Variants in ENOX1 observed in about 807,000 individuals in gnomAD.
ENOX1 encodes the protein candidate growth-related and time keeping constitutive hydroquinone (NADH) oxidase.
In ENOX1, 42 loss-of-function variants were observed where a neutral mutation model predicts 82.5. The ratio of observed to expected loss-of-function variants is 0.51; its 90% CI spans 0.40 to 0.66. The LOEUF is 0.66. Among genes scored for constraint, ENOX1 ranks in the 30% least tolerant of loss-of-function variants. The pLI, the probability that ENOX1 is intolerant of heterozygous loss-of-function variation, is 0.00. For synonymous variants in ENOX1, 271 were observed against 282.2 expected (o/e 0.96, Z 0.40); for missense variants, 608 against 811.6 (o/e 0.75, Z 3.05).
At chr13:43,398,801 T>C (rs2053311972) in intron 5 of ENOX1, among the ~76,000 whole-genome samples, 1 of 128,586 alleles carries the variant, frequency 7.8e-6, no homozygotes. Context: ...TCATTTCTTC[T>C]TCTTTTTTTT....
chr13:43,598,072 C>G (rs2081545943), intron 2 of ENOX1, among the ~76,000 whole-genome samples: 2 of 152,138 alleles, frequency 1.3e-5, no homozygotes, highest in South Asian at 4.2e-4. Flanking sequence ...AAATTGTTCA[C>G]TGGCTGCCTC....
intron 14 of ENOX1, among the ~76,000 whole-genome samples, chr13:43,237,931 T>C (rs575645567): frequency 1.3e-5 from 2 of 152,312 alleles, no homozygotes; most frequent in South Asian, 4.1e-4. Context: ...TACTGAGAAA[T>C]TGCAGTTGGT....
intron 2 of ENOX1, among the ~76,000 whole-genome samples, chr13:43,557,997 C>A (rs1001036194): frequency 7.2e-5 from 11 of 152,134 alleles, no homozygotes; most frequent in African/African-American, 2.2e-4. Flanking sequence ...CAAATCTAGG[C>A]CCAGTGTCCC....
intron 2 of ENOX1, among the ~76,000 whole-genome samples, chr13:43,556,120 CA>C (rs2079425068): frequency 6.6e-6 from 1 of 152,164 alleles, no homozygotes; most frequent in Non-Finnish European, 1.5e-5. Flanking sequence ...CTCACTGTAA[CA>C]TGGGACGTAA....
At chr13:43,481,104 T>A (rs751111682) in intron 3 of ENOX1, among the ~76,000 whole-genome samples, 11 of 152,050 alleles carry the variant, frequency 7.2e-5, no homozygotes, top group Non-Finnish European at 1.0e-4. Context: ...TACTAGCAAC[T>A]TTTTGCTAGC....
At chr13:43,518,181 T>C (rs1217348541) in intron 2 of ENOX1, among the ~76,000 whole-genome samples, 1 of 152,124 alleles carries the variant, frequency 6.6e-6, no homozygotes. Context: ...CATATTAACA[T>C]GTTGTTCTCT....
intron 5 of ENOX1, among the ~76,000 whole-genome samples, chr13:43,406,492 CTTTT>C (rs58818536): frequency 1.8e-5 from 2 of 114,030 alleles, no homozygotes; most frequent in African/African-American, 2.9e-5. Context: ...AGTATGTTGT[CTTTT>C]TTTTTTTTTT....
At chr13:43,639,314 T>C (rs2153763548) in intron 2 of ENOX1, among the ~76,000 whole-genome samples, 1 of 151,992 alleles carries the variant, frequency 6.6e-6, no homozygotes. Context: ...AAATAAAAAA[T>C]AAAAACTGTG....
chr13:43,528,601 T>C (rs1327638673), intron 2 of ENOX1, among the ~76,000 whole-genome samples: 4 of 152,096 alleles, frequency 2.6e-5, no homozygotes, highest in African/African-American at 9.7e-5. Context: ...GTATCTCTTA[T>C]CTTGCCTTTG....
chr13:43,224,060 TC>T lies in ENOX1; in HGVS notation c.1792del (p.Asp598ThrfsTer9), dbSNP rs1195943948. On this transcript the variant is annotated frameshift_variant, in exon 16 of 17. Coordinates refer to ENST00000690772, the MANE Select transcript of ENOX1 (RefSeq NM_001347969.2). LOFTEE classifies it high-confidence loss of function. ...TCGAGCAAAATAATTTACCTTGGAG[TC>T]CAGCTGCTGCATGTATGACCAAAGA... ...EYLWSYMQQL[D>X]SKISANEIEM... The T allele has an allele frequency of 6.2e-7, 1 of 1,613,402 alleles. No homozygotes were observed. Among genetic ancestry groups the T allele is most frequent in the African/African-American group, 1.3e-5 (1 of 74,918 alleles).
intron 2 of ENOX1, among the ~76,000 whole-genome samples, chr13:43,652,590 G>T (rs2084245035): frequency 6.6e-6 from 1 of 152,170 alleles, no homozygotes; most frequent in Non-Finnish European, 1.5e-5. Context: ...ACTAAGTCAT[G>T]AAAGATGTAC....
intron 16 of ENOX1, among the ~76,000 whole-genome samples, chr13:43,218,755 C>T (rs1230666138): frequency 1.3e-5 from 2 of 152,184 alleles, no homozygotes; most frequent in East Asian, 3.8e-4. Context: ...GATTTTCAAA[C>T]TTTTCCCCTA....
At chr13:43,756,030 C>T (rs1950621849) in intron 1 of ENOX1, among the ~76,000 whole-genome samples, 1 of 152,196 alleles carries the variant, frequency 6.6e-6, no homozygotes, top group Non-Finnish European at 1.5e-5. Context: ...AAGCTTTAAG[C>T]AGGCTATAAA....
At chr13:43,351,388 A>G (rs2049777282) in intron 8 of ENOX1, among the ~76,000 whole-genome samples, 1 of 146,872 alleles carries the variant, frequency 6.8e-6, no homozygotes, top group Non-Finnish European at 1.5e-5. Context: ...CGAGCAAAAT[A>G]TTTCTTTTTA....
chr13:43,776,439 AT>A (rs140327204), intron 1 of ENOX1, among the ~76,000 whole-genome samples: 15,892 of 152,170 alleles, frequency 0.1, 1,459 homozygotes, highest in African/African-American at 0.25. Flanking sequence ...AACTAGTAAG[AT>A]TTTTTTGGAG....
chr13:43,254,472 TA>T (rs201226466), intron 14 of ENOX1, among the ~76,000 whole-genome samples: 8 of 151,522 alleles, frequency 5.3e-5, no homozygotes, highest in Admixed American at 2.6e-4. Flanking sequence ...TAGCTTTAAT[TA>T]AAAAAAAATC....
intron 1 of ENOX1, among the ~76,000 whole-genome samples, chr13:43,739,294 T>A (rs907940541): frequency 1.3e-5 from 2 of 152,128 alleles, no homozygotes; most frequent in African/African-American, 4.8e-5. Context: ...ACACCTGTAA[T>A]CCCAGCAATT....
At chr13:43,506,309 T>C (rs2077159908) in intron 2 of ENOX1, among the ~76,000 whole-genome samples, 2 of 151,820 alleles carry the variant, frequency 1.3e-5, no homozygotes. Context: ...CCAGTTAGAA[T>C]GGCGATCATT....
At chr13:43,241,730 A>C (rs762471145) in intron 14 of ENOX1, among the ~76,000 whole-genome samples, 25 of 152,212 alleles carry the variant, frequency 1.6e-4, no homozygotes, top group Middle Eastern at 3.2e-3. Context: ...CAGTAACTGG[A>C]AACTAGATGT....
Sources: allele counts gnomAD v4.1 joint callset (sites outside exome capture counted in the v4.1 genomes callset), GRCh38; gene constraint gnomAD v4.1.1; transcripts MANE v1.5; gene names NCBI Gene and HGNC (gene_info 2026-07-23, HGNC 2026-07-21).